Variants in TDRD12 observed in about 807,000 individuals in gnomAD.
TDRD12 encodes putative ATP-dependent RNA helicase TDRD12.
TDRD12 carries 158 observed loss-of-function variants against 133.5 expected under a neutral mutation model. The ratio of observed to expected loss-of-function variants is 1.18; its 90% CI spans 1.04 to 1.35. The LOEUF (loss-of-function observed/expected upper bound fraction) is 1.35. Among genes scored for constraint, TDRD12 ranks in the 40% most tolerant of loss-of-function variants. TDRD12 has a pLI of 0.00. For synonymous variants in TDRD12, 460 were observed against 477.9 expected (o/e 0.96, Z 0.49); for missense variants, 1,443 against 1,321.3 (o/e 1.09, Z -1.43).
intron 10 of TDRD12, among the ~76,000 whole-genome samples, chr19:32,776,837 T>G (rs1440545313): frequency 6.6e-6 from 1 of 152,180 alleles, no homozygotes; most frequent in Non-Finnish European, 1.5e-5. Flanking sequence ...CTTCTTAAAT[T>G]TTTAATCCAG....
intron 26 of TDRD12, among the ~76,000 whole-genome samples, chr19:32,817,446 C>T (rs561248625): frequency 3.3e-5 from 5 of 152,236 alleles, no homozygotes; most frequent in African/African-American, 1.2e-4. Flanking sequence ...GTCAGATTTC[C>T]TTCCCTTTGA....
intron 4 of TDRD12, among the ~76,000 whole-genome samples, chr19:32,744,162 C>T (rs1479845614): frequency 6.6e-6 from 1 of 151,998 alleles, no homozygotes; most frequent in Non-Finnish European, 1.5e-5. Flanking sequence ...TGTGTAGCCA[C>T]TAGGTTGTTT....
At position 32,729,217 on chromosome 19, in the gene TDRD12, T is replaced by C. The variant is rs1486733282; in HGVS notation, c.25-2508T>C. On this transcript the variant is annotated intron_variant, in intron 1 of 27. Transcript: ENST00000444215. ...ACTGCTTTTTCTTTTTCTTTTTTTT[T>C]TTTGTTTTTTTTTTTTGTGAGATGG... 3.4e-5 allele frequency among the ~76,000 whole-genome samples: 5 copies of C among 147,632 alleles called. No homozygotes were observed. The Admixed American group carries it at 3.5e-4, about 10-fold the overall frequency.
intron 1 of TDRD12, among the ~76,000 whole-genome samples, chr19:32,720,302 C>T (rs1272338005): frequency 1.1e-5 from 1 of 92,284 alleles, no homozygotes; most frequent in African/African-American, 4.4e-5. Context: ...CACACCCACT[C>T]CTCCCAGCCC....
exon 14 of TDRD12, chr19:32,794,652 G>A (rs1971171388): frequency 1.4e-6 from 1 of 702,474 alleles, no homozygotes; most frequent in Non-Finnish European, 2.6e-6. Flanking sequence ...TAAGTTTCCG[G>A]GCCCCAGCCA....
In TDRD12 at chr19:32,783,978, G is replaced by A. The variant is rs143337518; in HGVS notation, c.1122-6553G>A. 2.6e-5 allele frequency among the ~76,000 whole-genome samples: 4 copies of A among 152,090 alleles called. No individual in the cohort carries two copies. In the East Asian group the frequency reaches 7.7e-4, roughly 29 times the overall value. On this transcript the variant is annotated intron_variant, in intron 11 of 27. Transcript: ENST00000444215. ...TGCTTTCTCTTGCCTGATTGCCCTG[G>A]CCAGATACTGCCCTTTCTCTTGCCT... is the stretch of plus-strand genomic sequence containing the variant.
At chr19:32,758,004 G>A (rs1970045114) in intron 8 of TDRD12, among the ~76,000 whole-genome samples, 1 of 152,230 alleles carries the variant, frequency 6.6e-6, no homozygotes, top group African/African-American at 2.4e-5. Context: ...CTCCATGGCT[G>A]GCAGTGCCCA....
chr19:32,796,300 C>A, intron 14 of TDRD12: 3 of 610,062 alleles, frequency 4.9e-6, no homozygotes, highest in Non-Finnish European at 6.2e-6. Flanking sequence ...TAGAAAGTTG[C>A]ATCTGTTGGC....
intron 27 of TDRD12, among the ~76,000 whole-genome samples, chr19:32,818,505 C>CTG (rs1480406691): frequency 6.6e-6 from 1 of 152,228 alleles, no homozygotes; most frequent in Non-Finnish European, 1.5e-5. Context: ...GGGGACAAGA[C>CTG]TGTGCCAGGA....
At chr19:32,787,859 G>T (rs1970954825) in intron 11 of TDRD12, among the ~76,000 whole-genome samples, 1 of 152,130 alleles carries the variant, frequency 6.6e-6, no homozygotes, top group Non-Finnish European at 1.5e-5. Flanking sequence ...GCTTCCCTTG[G>T]CTAGGAAAGG....
At chr19:32,732,615 G>C (rs1969093841) in intron 2 of TDRD12, among the ~76,000 whole-genome samples, 1 of 152,182 alleles carries the variant, frequency 6.6e-6, no homozygotes, top group Non-Finnish European at 1.5e-5. Flanking sequence ...TGCAGACTCA[G>C]CTCTCACTGC....
At chr19:32,795,497 G>A (rs151163657) in intron 14 of TDRD12, among the ~76,000 whole-genome samples, 142 of 152,168 alleles carry the variant, frequency 9.3e-4, no homozygotes, top group Non-Finnish European at 1.5e-3. Context: ...GAGTTACTGG[G>A]GTAAATTTCC....
At chr19:32,816,094 A>G (rs8105249) in intron 26 of TDRD12, among the ~76,000 whole-genome samples, 76,876 of 151,948 alleles carry the variant, frequency 0.51, 19,568 homozygotes, top group East Asian at 0.59. Flanking sequence ...AGTTTTATCT[A>G]TACCCCAGCC....
At chr19:32,803,887 T>C (rs973574322) in intron 21 of TDRD12, among the ~76,000 whole-genome samples, 2 of 152,136 alleles carry the variant, frequency 1.3e-5, no homozygotes, top group Non-Finnish European at 1.5e-5. Flanking sequence ...TTGAGGTCTT[T>C]TGACCAGTTT....
At chr19:32,767,977 A>G (rs1420708803) in intron 8 of TDRD12, among the ~76,000 whole-genome samples, 1 of 152,230 alleles carries the variant, frequency 6.6e-6, no homozygotes, top group East Asian at 1.9e-4. Context: ...GAGAAAGAAT[A>G]TTTTGTGACA....
At chr19:32,720,000 G>A in exon 1 of TDRD12, 16 of 1,523,374 alleles carry the variant, frequency 1.1e-5, no homozygotes, top group Non-Finnish European at 1.3e-5. Flanking sequence ...CGGGGCGGAC[G>A]CAGCCAGCCT....
In TDRD12 at chr19:32,750,016, G is replaced by C. The variant is rs1031443026; in HGVS notation, c.582+147G>C. ...AAGGTCTATCTTAGACCCGAAGTTA[G>C]CCAGGTCTGTGTTTTCTTCTTTTGA... On this transcript the variant is annotated intron_variant, in intron 6 of 27. Coordinates refer to ENST00000444215, the Ensembl canonical transcript of TDRD12. 4 of 520,980 alleles carry C rather than the reference G, an allele frequency of 7.7e-6. No homozygotes were observed. The African/African-American group carries it at 7.9e-5, about 10-fold the overall frequency. The allele number at this position is 520,980 out of a possible 1,614,324, so 32.3% of individuals were successfully genotyped here.
intron 10 of TDRD12, among the ~76,000 whole-genome samples, chr19:32,774,298 T>A (rs922029353): frequency 6.6e-6 from 1 of 152,172 alleles, no homozygotes; most frequent in African/African-American, 2.4e-5. Context: ...CTAGAGAGAG[T>A]TAACTAACAA....
chr19:32,805,392 GAA>G (rs1971518334), intron 21 of TDRD12, among the ~76,000 whole-genome samples: 3 of 148,996 alleles, frequency 2.0e-5, no homozygotes, highest in Admixed American at 6.7e-5. Flanking sequence ...CCAAAAAAAA[GAA>G]AAAAGAAAAA....
Sources: gnomAD v4.1 joint callset for allele counts (sites outside exome capture counted in the v4.1 genomes callset) on GRCh38, gnomAD v4.1.1 for gene constraint, MANE v1.5 for transcripts, NCBI Gene and HGNC (gene_info 2026-07-23, HGNC 2026-07-21) for gene names.